The following JADE1 variants were observed in gnomAD, a reference collection of about 807,000 sequenced individuals.
JADE1 encodes the protein protein Jade-1.
A neutral mutation model predicts 81.8 loss-of-function variants in JADE1; 14 were observed. That is an observed-to-expected ratio of 0.17 (90% confidence interval 0.11 to 0.27). The LOEUF is 0.27. Among genes scored for constraint, JADE1 ranks in the 10% least tolerant of loss-of-function variants. The probability of loss-of-function intolerance (pLI) is 1.00; values close to 1 mark genes in which losing one functional copy is unlikely to be tolerated. For synonymous variants in JADE1, 353 were observed against 391.9 expected, an observed-to-expected ratio of 0.90 and a Z score of 1.17; for missense variants, 690 against 1,047.9, an observed-to-expected ratio of 0.66 and a Z score of 4.71.
chr4:128,824,146 C>T (rs905898908), intron 1 of JADE1, among the ~76,000 whole-genome samples: 7 of 152,102 alleles, frequency 4.6e-5, no homozygotes, highest in Admixed American at 1.3e-4. Flanking sequence ...TGGCAGGGCG[C>T]GGTGGCTCAC....
rs1201239379 is a variant in JADE1, at chr4:128,872,235, T to C, written c.2502T>C (p.Ile834=). ...GCACTATCAGCAGAAGGACAGACAT[T>C]ATCAGGAGAAGCATCTTGGCTTCTT... The part of the protein sequence containing the change: ...TSSTISRRTD[I]IRRSILAS The change falls in exon 11 of 11, where the codon ATT becomes ATC. Residue 834 remains isoleucine (I), a synonymous_variant. Transcript: ENST00000226319. 1.9e-6 allele frequency: 3 copies of C among 1,613,956 alleles called. No homozygotes were observed. Among genetic ancestry groups the C allele is most frequent in the Admixed American group, 3.3e-5 (2 of 60,020 alleles).
intron 9 of JADE1, chr4:128,862,463 C>A: frequency 7.2e-7 from 1 of 1,391,000 alleles, no homozygotes; most frequent in Non-Finnish European, 9.3e-7. Context: ...AAAACACTTT[C>A]CCATTAATCT....
chr4:128,862,306 A>G, intron 9 of JADE1, 81 bp downstream of exon 9: 1 of 1,578,240 alleles, frequency 6.3e-7, no homozygotes, highest in East Asian at 2.3e-5. Flanking sequence ...GCAAGAAATG[A>G]TAGCCAGTCA....
Position 128,851,148 on chromosome 4 carries a change from C to T in JADE1, c.485-909C>T, listed in dbSNP as rs145606872. On this transcript the variant is annotated intron_variant, in intron 5 of 10. Transcript: ENST00000226319. ...ATTTCGCCGTATTGGCCAGGTTGGTCGTGAACTCCTGACCTCAAATGATCT... is the reference window on the plus strand; with the variant it reads ...ATTTCGCCGTATTGGCCAGGTTGGTTGTGAACTCCTGACCTCAAATGATCT... 1.5e-3 allele frequency among the ~76,000 whole-genome samples: 236 copies of T among 152,286 alleles called. 3 individuals carry two copies. The highest frequency in any genetic ancestry group is 0.014 in the East Asian group (71 of 5,184).
intron 2 of JADE1, among the ~76,000 whole-genome samples, chr4:128,834,130 A>G (rs2125831999): frequency 6.6e-6 from 1 of 152,360 alleles, no homozygotes; most frequent in South Asian, 2.1e-4. Context: ...TTAGTAGCGC[A>G]GAAGGCCTCA....
In JADE1 at chr4:128,849,093, G is replaced by T. The variant is rs1038037675; in HGVS notation, c.410G>T (p.Ser137Ile). The T allele has an allele frequency of 3.1e-6, 5 of 1,614,134 alleles. No individual in the cohort carries two copies. Among genetic ancestry groups the T allele is most frequent in the Non-Finnish European group, 4.2e-6 (5 of 1,180,046 alleles). Residue 137 changes from serine to isoleucine, a missense_variant, in exon 5 of 11, where the codon AGC (serine) becomes ATC (isoleucine). This residue lies in a region of JADE1 where 98 missense variants were observed against 161.3 expected (regional missense o/e 0.61). Coordinates refer to ENST00000226319, the MANE Select transcript of JADE1 (RefSeq NM_199320.4). Reference sequence around the variant, plus strand: ...GTGGACATCCGGACGCTGGCTGACAGCGTGTGTCGCTATGACCTCAATGAC... The same window carrying T: ...GTGGACATCCGGACGCTGGCTGACATCGTGTGTCGCTATGACCTCAATGAC... ...GYVDIRTLADSVCRYDLNDMD... is the reference protein window; with the variant it reads ...GYVDIRTLADIVCRYDLNDMD...
chr4:128,861,919 C>G lies in JADE1; in HGVS notation c.1197C>G (p.Pro399=). 1 of 1,614,082 alleles carries G rather than the reference C, an allele frequency of 6.2e-7. No homozygotes were observed. Among genetic ancestry groups the G allele is most frequent in the Non-Finnish European group, 8.5e-7 (1 of 1,179,942 alleles). The change falls in exon 9 of 11, where the codon CCC becomes CCG. Residue 399 remains proline, a synonymous_variant. Coordinates refer to ENST00000226319, the MANE Select transcript of JADE1 (RefSeq NM_199320.4). ...GTTCCCCCCGGAATCCGCTGGAGCC[C>G]TTTGCCAGCCTTGAGCAGAACCGGG... ...PECSPRNPLE[P]FASLEQNREE...
At chr4:128,831,846 G>C in intron 2 of JADE1, 36 bp downstream of exon 2, 1 of 1,575,416 alleles carries the variant, frequency 6.3e-7, no homozygotes, top group Non-Finnish European at 8.7e-7. Flanking sequence ...AGCCTACCAG[G>C]GTTTGGGTCG....
chr4:128,826,351 C>T (rs1025138301), intron 1 of JADE1, among the ~76,000 whole-genome samples: 13 of 144,008 alleles, frequency 9.0e-5, no homozygotes, highest in African/African-American at 3.4e-4. Context: ...TCATGGTCCC[C>T]CTTCTCTGTT....
chr4:128,827,099 C>A (rs72683607), intron 1 of JADE1, among the ~76,000 whole-genome samples: 1 of 152,218 alleles, frequency 6.6e-6, no homozygotes, highest in South Asian at 2.1e-4. Flanking sequence ...CCGGCCCCAC[C>A]CTCCTCCTTG....
At chr4:128,826,384 G>A (rs978197860) in intron 1 of JADE1, among the ~76,000 whole-genome samples, 3 of 16,734 alleles carry the variant, frequency 1.8e-4, no homozygotes, top group African/African-American at 1.1e-3. Flanking sequence ...TTGAAACAGA[G>A]TTTACTCTTG....
At position 128,872,982 on chromosome 4, in the gene JADE1, T is replaced by G; in HGVS notation, c.*720T>G. 1 of 450,296 alleles carries G rather than the reference T, an allele frequency of 2.2e-6. No homozygotes were observed. Among genetic ancestry groups the G allele is most frequent in the Non-Finnish European group, 4.5e-6 (1 of 223,318 alleles). 27.9% of individuals were successfully genotyped at this position (450,296 alleles called of 1,614,324 possible). A position where few individuals can be genotyped will look rare whatever the true frequency, so the allele number is the denominator to read the frequency against. ...TGGGACTGGTGGAGAGTGAGACTGT[T>G]AGGAAAGTTGTATCTATGAATAAGG... On this transcript the variant is annotated 3_prime_UTR_variant, in exon 11 of 11. Transcript: ENST00000226319.
chr4:128,823,959 C>T (rs920513524), intron 1 of JADE1, among the ~76,000 whole-genome samples: 1 of 152,024 alleles, frequency 6.6e-6, no homozygotes, highest in Non-Finnish European at 1.5e-5. Flanking sequence ...AGTTATAGGT[C>T]ATTATATTTG....
chr4:128,861,783 C>T lies in JADE1; in HGVS notation c.1061C>T (p.Ala354Val). The change falls in exon 9 of 11, where the codon GCA becomes GTA. Residue 354 changes from alanine (A) to valine (V), a missense_variant. By Grantham distance (64) the Ala-to-Val change is moderately conservative. Transcript: ENST00000226319. ...DRGLEMKTIL[A>V]ENDEVKFKSY... ...GGCCTGGAGATGAAGACCATCTTAG[C>T]AGAGAATGATGAAGTCAAGTTCAAG... 1 of 1,614,190 alleles carries T rather than the reference C, an allele frequency of 6.2e-7. No homozygotes were observed. The highest frequency in any genetic ancestry group is 8.5e-7 in the Non-Finnish European group (1 of 1,180,030).
intron 10 of JADE1, among the ~76,000 whole-genome samples, chr4:128,870,874 C>T (rs1732139323): frequency 6.6e-6 from 1 of 152,190 alleles, no homozygotes; most frequent in East Asian, 1.9e-4. Flanking sequence ...CTCGTAATAG[C>T]CCTGTGAGGG....
At chr4:128,847,540 C>T (rs924268766) in intron 4 of JADE1, among the ~76,000 whole-genome samples, 6 of 152,250 alleles carry the variant, frequency 3.9e-5, no homozygotes, top group Middle Eastern at 3.4e-3. Context: ...TGGGGCCCTG[C>T]GGGGCAGACC....
At chr4:128,851,007 T>A (rs2125866201) in intron 5 of JADE1, among the ~76,000 whole-genome samples, 1 of 152,326 alleles carries the variant, frequency 6.6e-6, no homozygotes, top group African/African-American at 2.4e-5. Flanking sequence ...CTCGGCTGAC[T>A]GCAACCTCTA....
rs112024133 is a variant in JADE1, at chr4:128,868,185, T to C, written c.1621+212T>C. Among the ~76,000 whole-genome samples the C allele has an allele frequency of 3.2e-4, 49 of 152,364 alleles. 1 individual carries two copies. The highest frequency in any genetic ancestry group is 9.9e-4 in the African/African-American group (41 of 41,584). ...CTATAAATATGGGTGGAATCCTGTG[T>C]TCTCTGCTTACTGAGCAAACACATG... On this transcript the variant is annotated intron_variant, in intron 10 of 10. Coordinates refer to ENST00000226319, the MANE Select transcript of JADE1 (RefSeq NM_199320.4).
At chr4:128,857,299 G>A (rs1560768284) in intron 7 of JADE1, 39 bp from the exon 8 acceptor site, 4 of 1,496,930 alleles carry the variant, frequency 2.7e-6, no homozygotes, top group Non-Finnish European at 3.7e-6. Flanking sequence ...AGCCTTTGAC[G>A]ACCTGAGCCA....
Sources: gnomAD v4.1 joint callset for allele counts (sites outside exome capture counted in the v4.1 genomes callset) on GRCh38, gnomAD v4.1.1 for gene constraint, gnomAD v4.1.1 regional missense constraint, MANE v1.5 for transcripts, NCBI Gene and HGNC (gene_info 2026-07-23, HGNC 2026-07-21) for gene names.